The following ARHGAP22 variants were observed in gnomAD, a reference collection of about 807,000 sequenced individuals.
ARHGAP22 encodes the protein Rho GTPase activating protein 22.
ARHGAP22 carries 48 observed loss-of-function variants against 59.1 expected under a neutral mutation model. The observed-to-expected ratio is 0.81, with a 90% CI of 0.64 to 1.03. ARHGAP22 has a LOEUF of 1.03. ARHGAP22 is among the 50% of genes least tolerant of loss of function. ARHGAP22 has a pLI of 0.00. For synonymous variants in ARHGAP22, 445 were observed against 416.4 expected (o/e 1.07, Z -0.84); for missense variants, 1,015 against 958.7 (o/e 1.06, Z -0.78).
At chr10:48,645,314 A>G (rs2062246892) in intron 1 of ARHGAP22, among the ~76,000 whole-genome samples, 1 of 152,230 alleles carries the variant, frequency 6.6e-6, no homozygotes, top group Admixed American at 6.5e-5. Context: ...GACCTTCTAC[A>G]AAAAGAAAAC....
chr10:48,533,178 G>GTTTTT (rs762223101), intron 3 of ARHGAP22, among the ~76,000 whole-genome samples: 2 of 135,820 alleles, frequency 1.5e-5, no homozygotes. Context: ...TCATTGTTCT[G>GTTTTT]TTGTTTTTTT....
intron 3 of ARHGAP22, among the ~76,000 whole-genome samples, chr10:48,549,233 TC>T (rs1443882031): frequency 2.0e-5 from 3 of 152,168 alleles, no homozygotes; most frequent in Non-Finnish European, 2.9e-5. Context: ...GGGAGCTGAG[TC>T]CCAGCTACTA....
intron 3 of ARHGAP22, among the ~76,000 whole-genome samples, chr10:48,505,719 G>T (rs4838413): frequency 0.22 from 33,788 of 152,084 alleles, 6,384 homozygotes; most frequent in East Asian, 0.59. Flanking sequence ...GTGTTCAGAC[G>T]GCTTCTCCTG....
chr10:48,618,587 A>G (rs1186780991), intron 1 of ARHGAP22, among the ~76,000 whole-genome samples: 1 of 152,160 alleles, frequency 6.6e-6, no homozygotes, highest in Non-Finnish European at 1.5e-5. Flanking sequence ...ATAATGAGGC[A>G]CAAAATCCAT....
Position 48,555,375 on chromosome 10 carries a change from G to A in ARHGAP22, c.322+88C>T, listed in dbSNP as rs2057227432. ...AGACTGTGCTGTGGCTCCTGCGGGA[G>A]GAGTGTCACGAAGGTCTGCCCTTCC... On this transcript the variant is annotated intron_variant, in intron 3 of 9. Coordinates refer to ENST00000249601, the MANE Select transcript of ARHGAP22 (RefSeq NM_021226.4). 7.6e-6 allele frequency: 7 copies of A among 919,006 alleles called. No homozygotes were observed. In the East Asian group the frequency reaches 1.9e-4, roughly 25 times the overall value. 56.9% of individuals were successfully genotyped at this position (919,006 alleles called of 1,614,324 possible). A position where few individuals can be genotyped will look rare whatever the true frequency, so the allele number is the denominator to read the frequency against.
chr10:48,648,278 A>G (rs1164003542), intron 1 of ARHGAP22, among the ~76,000 whole-genome samples: 1 of 152,210 alleles, frequency 6.6e-6, no homozygotes, highest in East Asian at 1.9e-4. Flanking sequence ...GAGTATGGGA[A>G]GGCAGGGCAG....
chr10:48,646,364 A>G (rs545434106), intron 1 of ARHGAP22, among the ~76,000 whole-genome samples: 2 of 152,348 alleles, frequency 1.3e-5, no homozygotes, highest in East Asian at 3.8e-4. Context: ...ATAAAAACAC[A>G]AAGGGCCTAG....
At chr10:48,453,701 G>C (rs76945474) in intron 7 of ARHGAP22, among the ~76,000 whole-genome samples, 1 of 152,234 alleles carries the variant, frequency 6.6e-6, no homozygotes, top group African/African-American at 2.4e-5. Flanking sequence ...ACAAATTCTG[G>C]GAAGTCCCAG....
intron 4 of ARHGAP22, among the ~76,000 whole-genome samples, chr10:48,478,558 C>T (rs192946942): frequency 5.3e-5 from 8 of 152,300 alleles, no homozygotes; most frequent in East Asian, 1.9e-4. Context: ...AGAAAGAGGA[C>T]GTCCATAGCT....
At chr10:48,590,661 G>A (rs77812234) in intron 1 of ARHGAP22, among the ~76,000 whole-genome samples, 20 of 152,312 alleles carry the variant, frequency 1.3e-4, no homozygotes, top group East Asian at 7.7e-4. Flanking sequence ...TACAGGTCGC[G>A]CTGTGCCGGG....
At chr10:48,433,205 T>C in the ARHGAP22 span, among the ~76,000 whole-genome samples, 1 of 152,186 alleles carries the variant, frequency 6.6e-6, no homozygotes, top group Non-Finnish European at 1.5e-5. Flanking sequence ...GTGTGTTTTT[T>C]CCCCTTAGGT....
At chr10:48,524,930 G>C (rs10857592) in intron 3 of ARHGAP22, among the ~76,000 whole-genome samples, 28,316 of 152,158 alleles carry the variant, frequency 0.19, 2,970 homozygotes, top group Non-Finnish European at 0.23. Flanking sequence ...AACAGAAACT[G>C]CTTCACCGGA....
At chr10:48,587,146 G>C (rs998576368) in intron 1 of ARHGAP22, among the ~76,000 whole-genome samples, 39 of 152,206 alleles carry the variant, frequency 2.6e-4, no homozygotes, top group African/African-American at 8.9e-4. Flanking sequence ...TGCCAGAAGA[G>C]ACCCAAAGCA....
intron 3 of ARHGAP22, chr10:48,493,313 T>G: frequency 1.8e-5 from 18 of 1,023,944 alleles, no homozygotes; most frequent in Non-Finnish European, 2.6e-5. Flanking sequence ...TCTTCATTCA[T>G]GTCTTTCATT....
At chr10:48,639,183 A>G (rs899847140) in intron 1 of ARHGAP22, among the ~76,000 whole-genome samples, 6 of 152,222 alleles carry the variant, frequency 3.9e-5, no homozygotes, top group African/African-American at 1.2e-4. Flanking sequence ...TTGCGCATGC[A>G]GTCCAAAGTT....
At chr10:48,593,789 C>A (rs1487225786) in intron 1 of ARHGAP22, among the ~76,000 whole-genome samples, 1 of 152,156 alleles carries the variant, frequency 6.6e-6, no homozygotes, top group Non-Finnish European at 1.5e-5. Context: ...ATATGGGGAA[C>A]CACTTTATAT....
At chr10:48,627,541 C>G in intron 1 of ARHGAP22, among the ~76,000 whole-genome samples, 1 of 152,236 alleles carries the variant, frequency 6.6e-6, no homozygotes, top group South Asian at 2.1e-4. Flanking sequence ...GGGCCTGTCC[C>G]ATTCCCATCT....
intron 3 of ARHGAP22, among the ~76,000 whole-genome samples, chr10:48,501,502 G>C (rs190678309): frequency 4.6e-5 from 7 of 152,326 alleles, no homozygotes; most frequent in African/African-American, 1.7e-4. Flanking sequence ...ACCTGATGGG[G>C]ATGGTGAGGA....
chr10:48,555,642 C>CT (rs1261382861), intron 2 of ARHGAP22, 92 bp from the exon 3 acceptor site: 21 of 1,272,872 alleles, frequency 1.6e-5, no homozygotes, highest in Middle Eastern at 1.9e-4. Context: ...AGGTTAGGAC[C>CT]TGGGGCCCTC....
Sources: gnomAD v4.1 joint callset for allele counts (sites outside exome capture counted in the v4.1 genomes callset) on GRCh38, gnomAD v4.1.1 for gene constraint, MANE v1.5 for transcripts, NCBI Gene and HGNC (gene_info 2026-07-23, HGNC 2026-07-21) for gene names.